MIB1: variants seen among roughly 807,000 people sequenced by gnomAD.
MIB1 encodes the protein MIB E3 ubiquitin protein ligase 1.
MIB1 carries 278 observed loss-of-function variants against 124.5 expected under a neutral mutation model. The ratio of observed to expected loss-of-function variants is 2.23; its 90% CI spans 2.02 to 2.47. The LOEUF is 2.47. Ranked by LOEUF, MIB1 falls within the 30% of genes most tolerant of loss-of-function variation. The pLI, the probability that MIB1 is intolerant of heterozygous loss-of-function variation, is 0.00. For synonymous variants in MIB1, 446 were observed against 429.4 expected, an observed-to-expected ratio of 1.04 and a Z score of -0.48; for missense variants, 957 against 1,254.4, an observed-to-expected ratio of 0.76 and a Z score of 3.58.
chr18:21,831,621 A>G (rs1257189050), intron 12 of MIB1, among the ~76,000 whole-genome samples: 1 of 151,246 alleles, frequency 6.6e-6, no homozygotes, highest in East Asian at 1.9e-4. Context: ...CGGTCCAAAC[A>G]CTGCTTAGCC....
chr18:21,706,713 C>T (rs2040638845), intron 1 of MIB1, among the ~76,000 whole-genome samples: 2 of 152,148 alleles, frequency 1.3e-5, no homozygotes. Context: ...AGCCCGCCAG[C>T]GCTGCACTGG....
intron 1 of MIB1, among the ~76,000 whole-genome samples, chr18:21,710,388 C>T (rs926938007): frequency 2.0e-5 from 3 of 151,992 alleles, no homozygotes; most frequent in African/African-American, 7.3e-5. Context: ...GCCACTGCAC[C>T]TGGCCTTGAA....
chr18:21,799,355 C>T (rs1217724292), intron 8 of MIB1, among the ~76,000 whole-genome samples: 1 of 151,998 alleles, frequency 6.6e-6, no homozygotes. Context: ...CAGTTTCAAC[C>T]TAAAGAAAAT....
At chr18:21,830,670 C>CT (rs1187832385) in intron 12 of MIB1, 2 of 152,052 alleles carry the variant, frequency 1.3e-5, no homozygotes, top group African/African-American at 4.8e-5. Flanking sequence ...AGGTAGTAAC[C>CT]TAGAGAATCA....
upstream of MIB1, among the ~76,000 whole-genome samples, chr18:21,739,610 G>T (rs576142106): frequency 6.6e-6 from 1 of 152,128 alleles, no homozygotes; most frequent in African/African-American, 2.4e-5. Context: ...TATCAAGTTG[G>T]CTTTATCCCT....
intron 18 of MIB1, among the ~76,000 whole-genome samples, chr18:21,855,613 T>C (rs1176935841): frequency 6.6e-6 from 1 of 152,230 alleles, no homozygotes; most frequent in Non-Finnish European, 1.5e-5. Flanking sequence ...GACCCATTTA[T>C]GTTTAGGCTT....
intron 1 of MIB1, among the ~76,000 whole-genome samples, chr18:21,749,747 TCTC>T (rs2040953087): frequency 6.7e-6 from 1 of 149,026 alleles, no homozygotes; most frequent in South Asian, 2.1e-4. Context: ...TTCAAGTGGT[TCTC>T]CTGCCTCAGC....
intron 19 of MIB1, 151 bp from the exon 20 acceptor site, chr18:21,858,395 C>A: frequency 2.0e-6 from 1 of 498,218 alleles, no homozygotes; most frequent in South Asian, 3.5e-5. Context: ...AACGTCACTA[C>A]TGTATGTTGT....
chr18:21,860,386 T>A (rs1416495806), intron 20 of MIB1, among the ~76,000 whole-genome samples: 1 of 152,000 alleles, frequency 6.6e-6, no homozygotes, highest in African/African-American at 2.4e-5. Flanking sequence ...CAGGCGTGAG[T>A]CACTGTGCCT....
chr18:21,798,179 A>G lies in MIB1; in HGVS notation c.1188A>G (p.Ala396=), dbSNP rs1478424697. Residue 396 remains alanine (A), a synonymous_variant, in exon 8 of 21, where the codon GCA becomes GCG. Coordinates refer to ENST00000261537, the MANE Select transcript of MIB1 (RefSeq NM_020774.4). ...CATCTTGGACATACAATCCAGCAGC[A>G]GTTTCCAAGGTGGCATCTGCAGGAT... ...CGTSWTYNPA[A]VSKVASAGSA... is the part of the protein sequence containing the mutation. 3 of 1,613,238 alleles carry G rather than the reference A, an allele frequency of 1.9e-6. No homozygotes were observed. The highest frequency in any genetic ancestry group is 2.5e-6 in the Non-Finnish European group (3 of 1,179,462).
intron 7 of MIB1, among the ~76,000 whole-genome samples, chr18:21,794,442 CCTCTCTCT>C (rs147293733): frequency 0.011 from 1,537 of 144,954 alleles, 23 homozygotes; most frequent in African/African-American, 0.036. Context: ...CATTAAATAG[CCTCTCTCT>C]CTCTCTCTCT....
chr18:21,815,909 C>T, intron 11 of MIB1, 96 bp downstream of exon 11: 1 of 1,084,818 alleles, frequency 9.2e-7, no homozygotes, highest in South Asian at 1.5e-5. Context: ...TGTTACCGTT[C>T]TCATATGTCA....
At chr18:21,764,529 T>G (rs1444771480) in intron 1 of MIB1, among the ~76,000 whole-genome samples, 1 of 152,202 alleles carries the variant, frequency 6.6e-6, no homozygotes, top group Admixed American at 6.5e-5. Flanking sequence ...AAGAATATAT[T>G]ACATTCCCCA....
At chr18:21,831,649 C>CTT (rs35046389) in intron 12 of MIB1, among the ~76,000 whole-genome samples, 12 of 146,816 alleles carry the variant, frequency 8.2e-5, no homozygotes, top group East Asian at 2.0e-4. Context: ...CTGCCCCCCA[C>CTT]TTTTTTTTTT....
chr18:21,803,868 A>G, intron 9 of MIB1, 39 bp from the exon 10 acceptor site: 11 of 1,092,608 alleles, frequency 1.0e-5, no homozygotes, highest in East Asian at 5.0e-5. Context: ...GTTTCTGATT[A>G]TTCATTCATT....
At chr18:21,816,137 C>T (rs1246810174) in intron 11 of MIB1, among the ~76,000 whole-genome samples, 1 of 152,154 alleles carries the variant, frequency 6.6e-6, no homozygotes, top group Non-Finnish European at 1.5e-5. Flanking sequence ...GGCTATATTT[C>T]ATAATAGTTA....
chr18:21,857,172 TA>T lies in MIB1; in HGVS notation c.2709del (p.Val904LeufsTer64). On this transcript the variant is annotated frameshift_variant, in exon 19 of 21. Transcript: ENST00000261537. LOFTEE classifies it high-confidence loss of function. ...LMKKCVQCRA[V>X]VERRVPFIMC... ...AAAAAGTGTGTGCAGTGTCGAGCAG[TA>T]GTTGAACGAAGAGTGCCTTTCATTA... The T allele has an allele frequency of 6.2e-7, 1 of 1,614,172 alleles. No homozygotes were observed. The highest frequency in any genetic ancestry group is 8.5e-7 in the Non-Finnish European group (1 of 1,180,012).
chr18:21,806,292 C>CCCACTT (rs2041705925), intron 10 of MIB1, among the ~76,000 whole-genome samples: 4 of 151,744 alleles, frequency 2.6e-5, no homozygotes, highest in Non-Finnish European at 5.9e-5. Flanking sequence ...CCTTGAATTC[C>CCCACTT]CAGGCTCAAA....
rs1215748676 is a variant in MIB1, at chr18:21,865,973, T to C, written c.*1307T>C. On this transcript the variant is annotated 3_prime_UTR_variant, in exon 21 of 21. Transcript: ENST00000261537. ...TCCTTTTATCTCCTTTGTAATCTTA[T>C]TGTCTCCTGAGTAAATATACACATA... is the stretch of plus-strand genomic sequence containing the variant. The C allele has an allele frequency of 6.6e-6, 1 of 152,164 alleles. No homozygotes were observed. Among genetic ancestry groups the C allele is most frequent in the East Asian group, 1.9e-4 (1 of 5,198 alleles). The allele number at this position is 152,164 out of a possible 1,614,324, so 9.4% of individuals were successfully genotyped here. A position where few individuals can be genotyped will look rare whatever the true frequency, so the allele number is the denominator to read the frequency against.
Sources: allele counts gnomAD v4.1 joint callset (sites outside exome capture counted in the v4.1 genomes callset), GRCh38; gene constraint gnomAD v4.1.1; transcripts MANE v1.5; gene names NCBI Gene and HGNC (gene_info 2026-07-23, HGNC 2026-07-21).